NRG3: variants seen among roughly 807,000 people sequenced by gnomAD.
NRG3 encodes pro-neuregulin-3, membrane-bound isoform.
Under a neutral mutation model 66.9 loss-of-function variants are expected in NRG3, and 31 were observed. The observed-to-expected ratio is 0.46, with a 90% CI of 0.35 to 0.63. The LOEUF (loss-of-function observed/expected upper bound fraction) is 0.63, where lower values mean the gene tolerates loss of function less well. NRG3 is among the 20% of genes least tolerant of loss of function. The pLI is 0.00. For missense variants in NRG3, 910 were observed against 878.9 expected (o/e 1.04, Z -0.45); for synonymous variants, 393 against 359.4 (o/e 1.09, Z -1.06).
At chr10:82,115,872 G>A (rs1461484814) in intron 1 of NRG3, among the ~76,000 whole-genome samples, 2 of 152,098 alleles carry the variant, frequency 1.3e-5, no homozygotes, top group Non-Finnish European at 2.9e-5. Context: ...GGGATGTTCT[G>A]CCTCATACAG....
At chr10:81,911,727 CCACA>C (rs112669396) in intron 1 of NRG3, among the ~76,000 whole-genome samples, 1 of 145,844 alleles carries the variant, frequency 6.9e-6, no homozygotes. Flanking sequence ...TTCCCCGTTA[CCACA>C]CACACACACA....
chr10:82,066,946 A>G (rs1395137416), intron 1 of NRG3, among the ~76,000 whole-genome samples: 2 of 152,150 alleles, frequency 1.3e-5, no homozygotes, highest in African/African-American at 4.8e-5. Context: ...GTGAATCAAC[A>G]TATATAAGTA....
chr10:82,856,214 T>A (rs575366704), intron 3 of NRG3, among the ~76,000 whole-genome samples: 17 of 152,232 alleles, frequency 1.1e-4, no homozygotes, highest in African/African-American at 3.9e-4. Context: ...TTTTTACTCA[T>A]GCAATAAATA....
At chr10:82,171,339 C>G (rs2072591496) in intron 1 of NRG3, among the ~76,000 whole-genome samples, 1 of 150,986 alleles carries the variant, frequency 6.6e-6, no homozygotes, top group Non-Finnish European at 1.5e-5. Flanking sequence ...TTACTTCCCA[C>G]CAACATGTCC....
intron 2 of NRG3, among the ~76,000 whole-genome samples, chr10:82,493,877 C>T (rs969167087): frequency 1.3e-5 from 2 of 152,134 alleles, no homozygotes; most frequent in East Asian, 3.9e-4. Flanking sequence ...CCAGAATCTA[C>T]ACGGAACTTA....
intron 2 of NRG3, among the ~76,000 whole-genome samples, chr10:82,696,449 G>A (rs1369921036): frequency 6.6e-6 from 1 of 152,048 alleles, no homozygotes; most frequent in Non-Finnish European, 1.5e-5. Context: ...ACAAGAGTGA[G>A]GGACAAACCT....
intron 2 of NRG3, among the ~76,000 whole-genome samples, chr10:82,406,723 C>A (rs182185375): frequency 8.6e-5 from 13 of 151,962 alleles, no homozygotes; most frequent in African/African-American, 2.9e-4. Flanking sequence ...GATTTTTTTT[C>A]TTATTAATAT....
chr10:82,215,243 C>T (rs1034263039), intron 1 of NRG3, among the ~76,000 whole-genome samples: 1 of 152,056 alleles, frequency 6.6e-6, no homozygotes, highest in Non-Finnish European at 1.5e-5. Context: ...GGTTGTAATT[C>T]AAATTTGAAT....
chr10:82,043,055 A>C (rs1282014639), intron 1 of NRG3, among the ~76,000 whole-genome samples: 1 of 152,010 alleles, frequency 6.6e-6, no homozygotes, highest in Non-Finnish European at 1.5e-5. Flanking sequence ...AATGTATGAG[A>C]ATCTGTAGCA....
chr10:81,879,859 A>G (rs1383750878), intron 1 of NRG3, among the ~76,000 whole-genome samples: 3 of 152,346 alleles, frequency 2.0e-5, no homozygotes, highest in Admixed American at 2.0e-4. Context: ...AGCCTCAGAT[A>G]TAATTTGTTT....
intron 1 of NRG3, among the ~76,000 whole-genome samples, chr10:81,993,469 C>A (rs939461733): frequency 6.6e-6 from 1 of 152,220 alleles, no homozygotes; most frequent in Admixed American, 6.5e-5. Context: ...GCCTTAGCCT[C>A]CTGAGTAGGT....
At chr10:82,930,442 G>A (rs1190729947) in intron 4 of NRG3, among the ~76,000 whole-genome samples, 1 of 152,142 alleles carries the variant, frequency 6.6e-6, no homozygotes, top group African/African-American at 2.4e-5. Flanking sequence ...AATTGCAAGG[G>A]GATCTCAGTC....
intron 1 of NRG3, among the ~76,000 whole-genome samples, chr10:82,039,117 T>C (rs2132984188): frequency 6.6e-6 from 1 of 152,262 alleles, no homozygotes; most frequent in Non-Finnish European, 1.5e-5. Context: ...GATAAGATAT[T>C]ATGCAGCTTA....
intron 2 of NRG3, among the ~76,000 whole-genome samples, chr10:82,690,461 G>A (rs1193662313): frequency 1.3e-5 from 2 of 152,062 alleles, no homozygotes; most frequent in African/African-American, 4.8e-5. Flanking sequence ...TGGCTCTAGT[G>A]TGCATGCTAT....
At chr10:82,363,074 A>G (rs2084290866) in intron 2 of NRG3, among the ~76,000 whole-genome samples, 1 of 152,234 alleles carries the variant, frequency 6.6e-6, no homozygotes, top group Admixed American at 6.5e-5. Flanking sequence ...AAACAAAATT[A>G]AAAGACAAAC....
At chr10:82,234,274 T>G (rs2076646830) in intron 1 of NRG3, among the ~76,000 whole-genome samples, 1 of 152,214 alleles carries the variant, frequency 6.6e-6, no homozygotes, top group Non-Finnish European at 1.5e-5. Context: ...TTCCTGGTCT[T>G]GATTTAAAGG....
chr10:82,682,528 T>C (rs7898189), intron 2 of NRG3, among the ~76,000 whole-genome samples: 2,207 of 152,258 alleles, frequency 0.014, 55 homozygotes, highest in African/African-American at 0.05. Context: ...TTAGGGTAAA[T>C]AATAGTGCTT....
chr10:82,487,021 A>G (rs1030937339), intron 2 of NRG3, among the ~76,000 whole-genome samples: 7 of 151,022 alleles, frequency 4.6e-5, no homozygotes, highest in Admixed American at 3.3e-4. Flanking sequence ...TGTACTGAAC[A>G]CAAAAGTTTA....
intron 1 of NRG3, among the ~76,000 whole-genome samples, chr10:82,018,073 AT>A (rs1210470562): frequency 6.6e-6 from 1 of 152,110 alleles, no homozygotes; most frequent in Non-Finnish European, 1.5e-5. Flanking sequence ...TTTAGGTCTA[AT>A]GTTGAAGTCT....
Sources: gnomAD v4.1 joint callset for allele counts (sites outside exome capture counted in the v4.1 genomes callset) on GRCh38, gnomAD v4.1.1 for gene constraint, MANE v1.5 for transcripts, NCBI Gene and HGNC (gene_info 2026-07-23, HGNC 2026-07-21) for gene names.